The following ARMC8 variants were observed in gnomAD, a reference collection of about 807,000 sequenced individuals.
The protein encoded by ARMC8 is armadillo repeat-containing protein 8.
In ARMC8, 20 loss-of-function variants were observed where a neutral mutation model predicts 99.3. The ratio of observed to expected loss-of-function variants is 0.20; its 90% CI spans 0.14 to 0.29. The LOEUF (loss-of-function observed/expected upper bound fraction) is 0.29. Among genes scored for constraint, ARMC8 ranks in the 10% least tolerant of loss-of-function variants. The probability of loss-of-function intolerance (pLI) is 1.00; values close to 1 mark genes in which losing one functional copy is unlikely to be tolerated. For missense variants in ARMC8, 569 were observed against 809.5 expected, an observed-to-expected ratio of 0.70 and a Z score of 3.60; for synonymous variants, 263 against 278.3, an observed-to-expected ratio of 0.95 and a Z score of 0.55.
intron 1 of ARMC8, chr3:138,188,482 A>T (rs772468641): frequency 6.2e-7 from 1 of 1,613,602 alleles, no homozygotes; most frequent in Non-Finnish European, 8.5e-7. Flanking sequence ...ACTGGGAGAT[A>T]ACTTCGAAGG....
chr3:138,290,889 G>A (rs1164285686), intron 21 of ARMC8, among the ~76,000 whole-genome samples: 5 of 152,230 alleles, frequency 3.3e-5, no homozygotes, highest in Non-Finnish European at 7.3e-5. Context: ...ATTGGATCCA[G>A]AGGCCATTTG....
chr3:138,265,632 C>T (rs1052422850), intron 14 of ARMC8, among the ~76,000 whole-genome samples: 18 of 152,122 alleles, frequency 1.2e-4, no homozygotes, highest in Admixed American at 2.6e-4. Flanking sequence ...AAGAGGAAAA[C>T]AGGAGGATTT....
chr3:138,253,658 T>C (rs910734133), intron 12 of ARMC8, among the ~76,000 whole-genome samples: 3 of 152,232 alleles, frequency 2.0e-5, no homozygotes, highest in African/African-American at 7.2e-5. Context: ...TTCTCTCACA[T>C]AGCTTTTGGT....
chr3:138,208,523 A>G (rs1343183873), intron 1 of ARMC8, among the ~76,000 whole-genome samples: 1 of 152,230 alleles, frequency 6.6e-6, no homozygotes, highest in Non-Finnish European at 1.5e-5. Context: ...TCAGAAAACT[A>G]GAGTTTGTGT....
chr3:138,187,531 A>G lies in ARMC8; in HGVS notation c.-24A>G. The G allele has an allele frequency of 1.3e-6, 2 of 1,535,510 alleles. No individual in the cohort carries two copies. Among genetic ancestry groups the G allele is most frequent in the Non-Finnish European group, 1.7e-6 (2 of 1,146,482 alleles). ...TGCCGGCCCCCGCGCCGGCGCCTGC[A>G]GCAGCCGGGTGGGAAGGCTCAAGAT... is the stretch of plus-strand genomic sequence containing the variant. On this transcript the variant is annotated 5_prime_UTR_variant, in exon 1 of 22. Coordinates refer to ENST00000469044, the MANE Select transcript of ARMC8 (RefSeq NM_001363941.2).
chr3:138,263,902 C>A, intron 13 of ARMC8, 81 bp downstream of exon 13: 1 of 1,251,240 alleles, frequency 8.0e-7, no homozygotes, highest in Non-Finnish European at 1.2e-6. Flanking sequence ...ACTGAGTAAA[C>A]ACAGACTACA....
chr3:138,282,506 C>T (rs1037862479), intron 18 of ARMC8, among the ~76,000 whole-genome samples: 2 of 151,822 alleles, frequency 1.3e-5, no homozygotes, highest in South Asian at 2.1e-4. Context: ...ATTAGCTGGG[C>T]GTGTGGCACA....
intron 6 of ARMC8, among the ~76,000 whole-genome samples, chr3:138,232,421 A>G (rs889022021): frequency 6.6e-6 from 1 of 152,198 alleles, no homozygotes; most frequent in Non-Finnish European, 1.5e-5. Context: ...GAACAATTAT[A>G]TATAGAGAGA....
chr3:138,253,106 G>GA (rs916914552), intron 12 of ARMC8, among the ~76,000 whole-genome samples: 7 of 151,042 alleles, frequency 4.6e-5, no homozygotes, highest in South Asian at 2.1e-4. Flanking sequence ...ATGCTTGAGA[G>GA]AAAAAAAAAT....
At chr3:138,221,862 A>G in intron 2 of ARMC8, 64 bp from the exon 3 acceptor site, 8 of 1,258,050 alleles carry the variant, frequency 6.4e-6, no homozygotes, top group Non-Finnish European at 7.0e-6. Context: ...ATGAAGTAGA[A>G]TGATCTTTGA....
chr3:138,230,435 G>A (rs2045971849), intron 6 of ARMC8, among the ~76,000 whole-genome samples: 2 of 152,054 alleles, frequency 1.3e-5, no homozygotes, highest in African/African-American at 4.8e-5. Context: ...TGGTTCTCTT[G>A]AGCCCAGGAG....
intron 7 of ARMC8, among the ~76,000 whole-genome samples, 158 bp downstream of exon 7, chr3:138,235,272 T>A (rs192088707): frequency 1.1e-4 from 15 of 139,494 alleles, no homozygotes; most frequent in Admixed American, 2.9e-4. Context: ...GAATGCTCTT[T>A]AAAAAAAAAA....
At chr3:138,245,628 GA>G in intron 12 of ARMC8, 1 of 995,284 alleles carries the variant, frequency 1.0e-6, no homozygotes, top group Non-Finnish European at 1.2e-6. Flanking sequence ...TTTATGTTTT[GA>G]TTTTTTTTGC....
intron 6 of ARMC8, among the ~76,000 whole-genome samples, chr3:138,231,961 CTTTTTTTTTTTT>C (rs61298993): frequency 1.2e-4 from 7 of 58,630 alleles, no homozygotes; most frequent in African/African-American, 4.1e-4. Context: ...CTTGCAATTG[CTTTTTTTTTTTT>C]TTTTTTTTTT....
Position 138,223,706 on chromosome 3 carries a change from T to C in ARMC8, c.408T>C (p.Pro136=). 1 of 1,614,196 alleles carries C rather than the reference T, an allele frequency of 6.2e-7. No homozygotes were observed. ...LRCLRTIFTS[P]VTPEELLYTD... Reference sequence around the variant, plus strand: ...GCCTGCGTACCATCTTCACCAGTCCTGTCACTCCAGAGGAGCTACTGTATA... The same window carrying C: ...GCCTGCGTACCATCTTCACCAGTCCCGTCACTCCAGAGGAGCTACTGTATA... The change falls in exon 5 of 22, where the codon CCT becomes CCC. Residue 136 remains proline, a synonymous_variant. Transcript: ENST00000469044.
At chr3:138,188,669 C>G (rs2043209727) in intron 1 of ARMC8, 1 of 1,103,634 alleles carries the variant, frequency 9.1e-7, no homozygotes, top group Non-Finnish European at 1.4e-6. Flanking sequence ...TTCCTAGAGT[C>G]TTGTAACTAC....
intron 12 of ARMC8, 156 bp downstream of exon 12, chr3:138,245,339 A>G (rs2046832662): frequency 6.7e-7 from 1 of 1,491,726 alleles, no homozygotes; most frequent in Non-Finnish European, 9.0e-7. Context: ...TGGGACCCGG[A>G]TTTGGGGGGT....
intron 20 of ARMC8, 65 bp downstream of exon 20, chr3:138,289,185 A>G: frequency 5.4e-6 from 7 of 1,298,798 alleles, no homozygotes; most frequent in Non-Finnish European, 7.7e-6. Context: ...CAGGGAAGCT[A>G]GCAGGTGCCC....
chr3:138,231,960 G>GTTTTTT (rs2046060212), intron 6 of ARMC8, among the ~76,000 whole-genome samples: 2 of 65,912 alleles, frequency 3.0e-5, no homozygotes, highest in African/African-American at 1.3e-4. Flanking sequence ...CCTTGCAATT[G>GTTTTTT]CTTTTTTTTT....
Sources: allele counts gnomAD v4.1 joint callset (sites outside exome capture counted in the v4.1 genomes callset), GRCh38; gene constraint gnomAD v4.1.1; transcripts MANE v1.5; gene names NCBI Gene and HGNC (gene_info 2026-07-23, HGNC 2026-07-21).